The following TMEM9 variants were observed in gnomAD, a reference collection of about 807,000 sequenced individuals.
TMEM9 encodes the protein transmembrane protein 9.
A neutral mutation model predicts 22.8 loss-of-function variants in TMEM9; 13 were observed. The observed-to-expected ratio is 0.57, with a 90% CI of 0.37 to 0.91. TMEM9 has a LOEUF of 0.91. Among genes scored for constraint, TMEM9 ranks in the 40% least tolerant of loss-of-function variants. The pLI, the probability that TMEM9 is intolerant of heterozygous loss-of-function variation, is 0.01. For missense variants in TMEM9, 182 were observed against 238.1 expected, an observed-to-expected ratio of 0.76 and a Z score of 1.55; for synonymous variants, 88 against 93.0, an observed-to-expected ratio of 0.95 and a Z score of 0.31.
At chr1:201,146,603 A>T (rs1464515587) in intron 3 of TMEM9, 137 bp downstream of exon 3, 1 of 921,056 alleles carries the variant, frequency 1.1e-6, no homozygotes, top group Non-Finnish European at 1.8e-6. Flanking sequence ...CAGTGTCTGC[A>T]CTAGGCCAGC....
chr1:201,165,150 T>TTATATATATATA (rs57281429), intron 1 of TMEM9, among the ~76,000 whole-genome samples: 176 of 87,054 alleles, frequency 2.0e-3, no homozygotes, highest in African/African-American at 3.9e-3. Flanking sequence ...TAAGAGAAAA[T>TTATATATATATA]TATATATATA....
intron 4 of TMEM9, among the ~76,000 whole-genome samples, chr1:201,140,708 G>A (rs546209888): frequency 6.6e-6 from 1 of 152,290 alleles, no homozygotes; most frequent in South Asian, 2.1e-4. Context: ...TGGGGCGTAG[G>A]GCCTGAAAGC....
chr1:201,150,689 C>T lies in TMEM9; in HGVS notation c.158+1072G>A, dbSNP rs138176899. Among the ~76,000 whole-genome samples, 11 of 152,264 alleles carry T rather than the reference C, an allele frequency of 7.2e-5. No homozygotes were observed. The East Asian group carries it at 9.6e-4, about 13-fold the overall frequency. ...GAAATTCAACTAGTTTCAAAATTCT[C>T]GAGTGTTGCTCTGGATCAACTGCAT... is the stretch of plus-strand genomic sequence containing the variant. On this transcript the variant is annotated intron_variant, in intron 2 of 4. Transcript: ENST00000367330.
intron 2 of TMEM9, among the ~76,000 whole-genome samples, chr1:201,151,460 A>G (rs1387774331): frequency 6.6e-6 from 1 of 152,224 alleles, no homozygotes; most frequent in African/African-American, 2.4e-5. Context: ...CAGAATACCT[A>G]CCTTTGCCAA....
chr1:201,138,180 C>T (rs1664170108), intron 4 of TMEM9, among the ~76,000 whole-genome samples: 1 of 152,204 alleles, frequency 6.6e-6, no homozygotes, highest in Non-Finnish European at 1.5e-5. Flanking sequence ...CCCTGCCCTC[C>T]TTCCACTGCT....
chr1:201,159,550 A>C (rs1665890437), intron 1 of TMEM9, among the ~76,000 whole-genome samples: 1 of 151,150 alleles, frequency 6.6e-6, no homozygotes, highest in Admixed American at 6.6e-5. Flanking sequence ...GACTAAAGCA[A>C]CACTTAAGCA....
chr1:201,149,441 T>C (rs948420355), intron 2 of TMEM9, among the ~76,000 whole-genome samples: 1 of 152,166 alleles, frequency 6.6e-6, no homozygotes, highest in African/African-American at 2.4e-5. Context: ...TTTAACAAGT[T>C]TGAAAGGCAA....
rs552207048 is a variant in TMEM9, at chr1:201,143,529, T to C, written c.399+291A>G. ...GGGGGATATCATGTGTATCTATGTG[T>C]GACTGGCTCTGGCTGGCTGCGCCCC... On this transcript the variant is annotated intron_variant, in intron 4 of 4. Transcript: ENST00000367330. Among the ~76,000 whole-genome samples the C allele has an allele frequency of 3.3e-3, 498 of 152,326 alleles. 2 individuals are homozygous for C. Among genetic ancestry groups the C allele is most frequent in the Non-Finnish European group, 6.0e-3 (410 of 68,026 alleles).
intron 2 of TMEM9, among the ~76,000 whole-genome samples, chr1:201,149,507 A>T (rs1204085343): frequency 6.6e-6 from 1 of 152,198 alleles, no homozygotes; most frequent in Non-Finnish European, 1.5e-5. Context: ...CTAATAACAC[A>T]TCTCCTTGCC....
chr1:201,147,146 G>GC (rs1397521160), intron 2 of TMEM9, among the ~76,000 whole-genome samples: 1 of 152,118 alleles, frequency 6.6e-6, no homozygotes, highest in Non-Finnish European at 1.5e-5. Context: ...CTCATCTCAT[G>GC]CTATGTTCTC....
intron 1 of TMEM9, among the ~76,000 whole-genome samples, chr1:201,152,677 C>T (rs1665528205): frequency 6.6e-6 from 1 of 152,182 alleles, no homozygotes; most frequent in Non-Finnish European, 1.5e-5. Flanking sequence ...GTAATAGATA[C>T]AACTGCTACT....
At chr1:201,170,657 A>C (rs1312650499) in intron 1 of TMEM9, among the ~76,000 whole-genome samples, 1 of 152,224 alleles carries the variant, frequency 6.6e-6, no homozygotes, top group Non-Finnish European at 1.5e-5. Context: ...ACCGAGACTC[A>C]TTAAGTCAGT....
intron 1 of TMEM9, among the ~76,000 whole-genome samples, chr1:201,165,442 T>C (rs1484567074): frequency 6.7e-6 from 1 of 149,020 alleles, no homozygotes; most frequent in Non-Finnish European, 1.5e-5. Flanking sequence ...TCTTTTTCTT[T>C]CTTTTTTTTT....
intron 1 of TMEM9, among the ~76,000 whole-genome samples, chr1:201,163,464 C>T (rs1043206518): frequency 6.6e-6 from 1 of 151,920 alleles, no homozygotes; most frequent in African/African-American, 2.4e-5. Context: ...GTGGCGTGTG[C>T]CTGTAGTCCC....
At chr1:201,162,863 C>A (rs1476992415) in intron 1 of TMEM9, among the ~76,000 whole-genome samples, 1 of 151,714 alleles carries the variant, frequency 6.6e-6, no homozygotes, top group African/African-American at 2.4e-5. Flanking sequence ...ACTTTTACAA[C>A]TCAACAGTAA....
At chr1:201,152,161 G>GGT (rs3222916) in intron 1 of TMEM9, among the ~76,000 whole-genome samples, 41,367 of 149,918 alleles carry the variant, frequency 0.28, 6,088 homozygotes, top group Non-Finnish European at 0.33. Context: ...AGGGGAAATG[G>GGT]GTGTGTGTGT....
chr1:201,143,907 G>A lies in TMEM9; in HGVS notation c.312C>T (p.Leu104=). 3 of 1,614,164 alleles carry A rather than the reference G, an allele frequency of 1.9e-6. No individual in the cohort carries two copies. Among genetic ancestry groups the A allele is most frequent in the Non-Finnish European group, 1.7e-6 (2 of 1,180,014 alleles). Residue 104 remains leucine (L), a synonymous_variant, in exon 4 of 5, where the codon CTC becomes CTT. Transcript: ENST00000367330. ...IYLSVVGALL[L]YMAFLMLVDP... is the part of the protein sequence containing the mutation. ...CCACCAGCATCAGGAAGGCCATGTAGAGCAACAGGGCACCCACCACGGACA... is the reference window on the plus strand; with the variant it reads ...CCACCAGCATCAGGAAGGCCATGTAAAGCAACAGGGCACCCACCACGGACA...
chr1:201,140,451 A>C (rs560669180), intron 4 of TMEM9, among the ~76,000 whole-genome samples: 2 of 152,340 alleles, frequency 1.3e-5, no homozygotes, highest in South Asian at 4.1e-4. Flanking sequence ...CAGGGGAGGC[A>C]GCGCCCAGCA....
intron 1 of TMEM9, among the ~76,000 whole-genome samples, chr1:201,167,520 T>C (rs1423553351): frequency 6.6e-6 from 1 of 152,216 alleles, no homozygotes; most frequent in Non-Finnish European, 1.5e-5. Flanking sequence ...TGACGTTATC[T>C]GCAGGAGTCA....
Sources: allele counts gnomAD v4.1 joint callset (sites outside exome capture counted in the v4.1 genomes callset), GRCh38; gene constraint gnomAD v4.1.1; transcripts MANE v1.5; gene names NCBI Gene and HGNC (gene_info 2026-07-23, HGNC 2026-07-21).